The following KLF12 variants were observed in gnomAD, a reference collection of about 807,000 sequenced individuals.
KLF12 encodes Krueppel-like factor 12.
A neutral mutation model predicts 37.8 loss-of-function variants in KLF12; 9 were observed. That is an observed-to-expected ratio of 0.24 (90% CI 0.14 to 0.42). KLF12 has a LOEUF of 0.42. Ranked by LOEUF, KLF12 falls within the 10% of genes least tolerant of loss-of-function variation. The probability of loss-of-function intolerance (pLI) is 1.00; values close to 1 mark genes in which losing one functional copy is unlikely to be tolerated. For synonymous variants in KLF12, 208 were observed against 202.1 expected (o/e 1.03, Z -0.25); for missense variants, 411 against 516.0 (o/e 0.80, Z 1.97).
At chr13:73,710,720 T>C (rs1875327160) in intron 7 of KLF12, among the ~76,000 whole-genome samples, 1 of 152,174 alleles carries the variant, frequency 6.6e-6, no homozygotes, top group Non-Finnish European at 1.5e-5. Flanking sequence ...TCCCTCTTCT[T>C]GAGCCCCCCT....
chr13:73,970,357 G>GTT (rs34226117), intron 2 of KLF12, among the ~76,000 whole-genome samples: 7 of 144,530 alleles, frequency 4.8e-5, no homozygotes, highest in African/African-American at 1.0e-4. Context: ...ACTGGTGCTG[G>GTT]TTTTTTTTTT....
At chr13:73,904,957 CAAA>C (rs59392777) in intron 3 of KLF12, among the ~76,000 whole-genome samples, 1 of 138,756 alleles carries the variant, frequency 7.2e-6, no homozygotes, top group Admixed American at 7.2e-5. Context: ...TTATCCTAAG[CAAA>C]AAAAAAAAAA....
chr13:73,852,172 T>C (rs912406888), intron 3 of KLF12, among the ~76,000 whole-genome samples: 2 of 152,218 alleles, frequency 1.3e-5, no homozygotes, highest in Non-Finnish European at 1.5e-5. Flanking sequence ...TGAGCCCCCA[T>C]GGTCATAATT....
At chr13:73,931,956 G>A (rs192427325) in intron 3 of KLF12, among the ~76,000 whole-genome samples, 26 of 151,852 alleles carry the variant, frequency 1.7e-4, no homozygotes. Context: ...TTAGCTAAGG[G>A]AGGCTCAAGG....
chr13:73,707,689 C>G (rs749067027), intron 7 of KLF12, among the ~76,000 whole-genome samples: 1 of 152,164 alleles, frequency 6.6e-6, no homozygotes, highest in Non-Finnish European at 1.5e-5. Flanking sequence ...AGCACTCACT[C>G]GTCTGAAGTT....
the KLF12 span, among the ~76,000 whole-genome samples, chr13:74,208,523 A>G: frequency 6.6e-6 from 1 of 152,318 alleles, no homozygotes; most frequent in East Asian, 1.9e-4. Context: ...TAGCAAGTAA[A>G]TTATAGATCA....
At chr13:73,762,819 A>G (rs984987747) in intron 6 of KLF12, among the ~76,000 whole-genome samples, 3 of 152,180 alleles carry the variant, frequency 2.0e-5, no homozygotes, top group African/African-American at 7.2e-5. Flanking sequence ...TACTAGAAGT[A>G]CAGGCTGGGT....
chr13:74,211,913 T>C, the KLF12 span, among the ~76,000 whole-genome samples: 1 of 152,312 alleles, frequency 6.6e-6, no homozygotes, highest in East Asian at 1.9e-4. Context: ...CCTCATTCAC[T>C]GATCTTTTGA....
At chr13:74,097,360 T>C (rs1240812879) in intron 1 of KLF12, among the ~76,000 whole-genome samples, 5 of 152,198 alleles carry the variant, frequency 3.3e-5, no homozygotes, top group Non-Finnish European at 7.4e-5. Flanking sequence ...TGTACATCTG[T>C]GCTGGGACCA....
rs558476826 is a variant in KLF12 at position 73,706,277 on chromosome 13, T to A, written c.1027+9091A>T. 6.6e-5 allele frequency among the ~76,000 whole-genome samples: 10 copies of A among 152,308 alleles called. No homozygotes were observed. The East Asian group carries it at 1.5e-3, about 23-fold the overall frequency. ...CAACTCATTTAGTTATTTATTTAAA[T>A]GAGGTAATAATGGATAGGTTTAGAA... On this transcript the variant is annotated intron_variant, in intron 7 of 7. Transcript: ENST00000377669.
chr13:73,747,066 C>T (rs7331589), intron 6 of KLF12, among the ~76,000 whole-genome samples: 52,945 of 151,900 alleles, frequency 0.35, 10,537 homozygotes, highest in African/African-American at 0.54. Flanking sequence ...ATCCACCTGC[C>T]TCAGCCTCCT....
intron 1 of KLF12, among the ~76,000 whole-genome samples, chr13:74,051,040 T>C: frequency 6.6e-6 from 1 of 152,076 alleles, no homozygotes; most frequent in Non-Finnish European, 1.5e-5. Context: ...ATAACAAGTG[T>C]TGGTGAGACT....
At chr13:74,203,826 T>C in the KLF12 span, among the ~76,000 whole-genome samples, 2 of 152,270 alleles carry the variant, frequency 1.3e-5, no homozygotes, top group East Asian at 1.9e-4. Flanking sequence ...TTGACCAATA[T>C]AGGAGGCAGT....
chr13:74,138,352 G>A (rs1445674317), upstream of KLF12, among the ~76,000 whole-genome samples: 1 of 152,176 alleles, frequency 6.6e-6, no homozygotes, highest in East Asian at 1.9e-4. Flanking sequence ...GGCCGAAAGT[G>A]AACATGTACT....
At chr13:74,039,045 G>C (rs986039808) in intron 1 of KLF12, among the ~76,000 whole-genome samples, 43 of 137,456 alleles carry the variant, frequency 3.1e-4, no homozygotes, top group African/African-American at 1.1e-3. Context: ...TCCTGGAAAG[G>C]TTTTGTAAAA....
Position 73,931,102 on chromosome 13 carries a change from C to T in KLF12, c.123+12879G>A, listed in dbSNP as rs567910378. 6.6e-5 allele frequency among the ~76,000 whole-genome samples: 10 copies of T among 152,208 alleles called. No homozygotes were observed. The East Asian group carries it at 1.9e-3, about 29-fold the overall frequency. ...CAAACTCCCAACCTCAGGTGATCCACCCGCCTCGGCCTCCCAAAGTGCTGG... is the reference window on the plus strand; with the variant it reads ...CAAACTCCCAACCTCAGGTGATCCATCCGCCTCGGCCTCCCAAAGTGCTGG... On this transcript the variant is annotated intron_variant, in intron 3 of 7. Coordinates refer to ENST00000377669, the MANE Select transcript of KLF12 (RefSeq NM_007249.5).
chr13:73,907,749 A>T (rs1888371997), intron 3 of KLF12, among the ~76,000 whole-genome samples: 1 of 152,110 alleles, frequency 6.6e-6, no homozygotes, highest in Admixed American at 6.5e-5. Flanking sequence ...TGGTCTTTCG[A>T]CACTTCTGTT....
In KLF12 at chr13:73,691,479, G is replaced by A. The variant is rs1873816798; in HGVS notation, c.*4011C>T. ...GAACTATGAATATTAAGGCTTTCTG[G>A]GCCTATTATGATTCATAAGAGTTAC... On this transcript the variant is annotated 3_prime_UTR_variant, in exon 8 of 8. Transcript: ENST00000377669. 6.6e-6 allele frequency: 1 copy of A among 152,482 alleles called. No homozygotes were observed. Among genetic ancestry groups the A allele is most frequent in the Admixed American group, 6.6e-5 (1 of 15,252 alleles). The allele number at this position is 152,482 out of a possible 1,614,324, so 9.4% of individuals were successfully genotyped here. A position where few individuals can be genotyped will look rare whatever the true frequency, so the allele number is the denominator to read the frequency against.
the KLF12 span, among the ~76,000 whole-genome samples, chr13:74,169,846 G>C: frequency 3.3e-5 from 5 of 152,316 alleles, no homozygotes; most frequent in South Asian, 4.1e-4. Context: ...TTGGGAGAAG[G>C]CTGCTTGCTT....
Sources: allele counts gnomAD v4.1 joint callset (sites outside exome capture counted in the v4.1 genomes callset), GRCh38; gene constraint gnomAD v4.1.1; transcripts MANE v1.5; gene names NCBI Gene and HGNC (gene_info 2026-07-23, HGNC 2026-07-21).